EXOC6B: variants seen among roughly 807,000 people sequenced by gnomAD.
EXOC6B encodes the protein SEC15 homolog B.
A neutral mutation model predicts 113.5 loss-of-function variants in EXOC6B; 54 were observed. That is an observed-to-expected ratio of 0.48 (90% CI 0.38 to 0.60). The LOEUF (loss-of-function observed/expected upper bound fraction) is 0.60, where lower values mean the gene tolerates loss of function less well. EXOC6B is among the 20% of genes least tolerant of loss of function. The pLI, the probability that EXOC6B is intolerant of heterozygous loss-of-function variation, is 0.00. For synonymous variants in EXOC6B, 357 were observed against 339.0 expected (o/e 1.05, Z -0.58); for missense variants, 797 against 977.5 (o/e 0.82, Z 2.46).
intron 7 of EXOC6B, among the ~76,000 whole-genome samples, chr2:72,560,554 T>A (rs1005110589): frequency 1.3e-5 from 2 of 152,090 alleles, no homozygotes; most frequent in Non-Finnish European, 2.9e-5. Flanking sequence ...ATAGCTTCTT[T>A]ACCAAGATAC....
intron 20 of EXOC6B, among the ~76,000 whole-genome samples, chr2:72,330,934 T>C (rs766864813): frequency 6.6e-6 from 1 of 151,816 alleles, no homozygotes; most frequent in Non-Finnish European, 1.5e-5. Flanking sequence ...TAGAAAAGAG[T>C]AGTCCTAGCT....
Position 72,248,379 on chromosome 2 carries a change from A to T in EXOC6B, c.2197-64192T>A, listed in dbSNP as rs370009246. On this transcript the variant is annotated intron_variant, in intron 20 of 21. Transcript: ENST00000272427. ...GAGACACTTCAAATATAATGGTTTT[A>T]TCTGGATTCGTAAAACTGTAAACTC... Among the ~76,000 whole-genome samples the T allele has an allele frequency of 1.9e-3, 283 of 152,294 alleles. 1 individual carries two copies. The highest frequency in any genetic ancestry group is 6.2e-3 in the African/African-American group (259 of 41,570).
chr2:72,711,900 G>C (rs148015658), intron 6 of EXOC6B, among the ~76,000 whole-genome samples: 1,836 of 152,210 alleles, frequency 0.012, 51 homozygotes, highest in African/African-American at 0.043. Context: ...TGAACAACTT[G>C]AAGTTTATGA....
At chr2:72,552,264 A>T (rs1703277039) in intron 8 of EXOC6B, among the ~76,000 whole-genome samples, 1 of 152,226 alleles carries the variant, frequency 6.6e-6, no homozygotes, top group South Asian at 2.1e-4. Flanking sequence ...GTGAATAAAC[A>T]TGATTATTTT....
chr2:72,526,641 T>G (rs1701758316), intron 8 of EXOC6B, among the ~76,000 whole-genome samples: 1 of 151,928 alleles, frequency 6.6e-6, no homozygotes, highest in South Asian at 2.1e-4. Context: ...GTACAGAAAC[T>G]GACCAATTTA....
chr2:72,765,349 TTA>T (rs1455942577), intron 1 of EXOC6B, among the ~76,000 whole-genome samples: 1 of 152,138 alleles, frequency 6.6e-6, no homozygotes, highest in Non-Finnish European at 1.5e-5. Context: ...GCATACCTGT[TTA>T]TGATATTCTT....
intron 6 of EXOC6B, among the ~76,000 whole-genome samples, chr2:72,631,495 GAGAGAGAGAGAGAGAGAGAGAGAGAGAA>G (rs1672462121): frequency 1.5e-4 from 18 of 120,620 alleles, no homozygotes; most frequent in Admixed American, 1.3e-3. Flanking sequence ...GAGAGAGAGA[GAGAGAGAGAGAGAGAGAGAGAGAGAGAA>G]AGACAAGGTC....
intron 1 of EXOC6B, among the ~76,000 whole-genome samples, chr2:72,822,796 C>T (rs1263192682): frequency 6.6e-6 from 1 of 152,036 alleles, no homozygotes; most frequent in East Asian, 1.9e-4. Flanking sequence ...AATGTTACCT[C>T]AAAAGATGAA....
chr2:72,318,632 T>A (rs907880689), intron 20 of EXOC6B, among the ~76,000 whole-genome samples: 7 of 152,176 alleles, frequency 4.6e-5, no homozygotes, highest in Admixed American at 6.6e-5. Flanking sequence ...CCTCAAGTAA[T>A]CCACCCACCT....
chr2:72,564,758 A>T (rs1704070283), intron 7 of EXOC6B, among the ~76,000 whole-genome samples: 1 of 152,184 alleles, frequency 6.6e-6, no homozygotes, highest in East Asian at 1.9e-4. Flanking sequence ...GAAGGCCTAT[A>T]ATTTTAAGTG....
At chr2:72,335,089 G>A in intron 19 of EXOC6B, 69 bp from the exon 20 acceptor site, 2 of 1,380,090 alleles carry the variant, frequency 1.4e-6, no homozygotes, top group Non-Finnish European at 2.1e-6. Context: ...GCAGACGGAT[G>A]ACAGGGAAGA....
At chr2:72,515,175 C>CT in intron 8 of EXOC6B, 49 bp from the exon 9 acceptor site, 1 of 1,499,340 alleles carries the variant, frequency 6.7e-7, no homozygotes, top group African/African-American at 1.4e-5. Context: ...ACCAATTACT[C>CT]TTTTATTTCA....
At chr2:72,799,250 A>AAC (rs1192047254) in intron 1 of EXOC6B, among the ~76,000 whole-genome samples, 1 of 150,380 alleles carries the variant, frequency 6.6e-6, no homozygotes, top group Admixed American at 6.6e-5. Flanking sequence ...AAAAAAAAAA[A>AAC]AAAAAAAAAA....
chr2:72,319,997 C>T (rs1180677031), intron 20 of EXOC6B, among the ~76,000 whole-genome samples: 3 of 151,962 alleles, frequency 2.0e-5, no homozygotes, highest in Non-Finnish European at 4.4e-5. Context: ...CCACCACAAC[C>T]GGCTAATTTT....
At chr2:72,541,804 CA>C (rs1558778052) in intron 8 of EXOC6B, among the ~76,000 whole-genome samples, 1 of 152,120 alleles carries the variant, frequency 6.6e-6, no homozygotes, top group East Asian at 1.9e-4. Flanking sequence ...GGTGTTTTTA[CA>C]TAGACTTTTT....
chr2:72,423,103 T>G, intron 18 of EXOC6B, among the ~76,000 whole-genome samples: 1 of 152,080 alleles, frequency 6.6e-6, no homozygotes, highest in African/African-American at 2.4e-5. Context: ...ACCGCGAAGA[T>G]CTGCAGCTTC....
At chr2:72,274,503 GT>G in intron 20 of EXOC6B, among the ~76,000 whole-genome samples, 1 of 152,096 alleles carries the variant, frequency 6.6e-6, no homozygotes, top group Non-Finnish European at 1.5e-5. Context: ...ACCTTGTAAA[GT>G]TTCTTTTTCA....
intron 20 of EXOC6B, among the ~76,000 whole-genome samples, chr2:72,331,701 A>G (rs1344748757): frequency 1.3e-5 from 2 of 152,158 alleles, no homozygotes; most frequent in Non-Finnish European, 2.9e-5. Flanking sequence ...TATTATTAAT[A>G]GTAGGTTTTC....
intron 18 of EXOC6B, among the ~76,000 whole-genome samples, chr2:72,387,287 A>T (rs1314824896): frequency 6.6e-6 from 1 of 152,160 alleles, no homozygotes; most frequent in Non-Finnish European, 1.5e-5. Context: ...ATATTAGTCT[A>T]CAGTGTTCTG....
Sources: gnomAD v4.1 joint callset for allele counts (sites outside exome capture counted in the v4.1 genomes callset) on GRCh38, gnomAD v4.1.1 for gene constraint, MANE v1.5 for transcripts, NCBI Gene and HGNC (gene_info 2026-07-23, HGNC 2026-07-21) for gene names.